The following UBAP2L variants were observed in gnomAD, a reference collection of about 807,000 sequenced individuals.
UBAP2L encodes the protein ubiquitin-associated protein 2-like.
In UBAP2L, 12 loss-of-function variants were observed where a neutral mutation model predicts 130.6. The ratio of observed to expected loss-of-function variants is 0.09; its 90% confidence interval spans 0.06 to 0.15. The LOEUF (loss-of-function observed/expected upper bound fraction) is 0.15. Among genes scored for constraint, UBAP2L ranks in the 10% least tolerant of loss-of-function variants. The pLI is 1.00. For missense variants in UBAP2L, 965 were observed against 1,332.5 expected, an observed-to-expected ratio of 0.72 and a Z score of 4.29; for synonymous variants, 503 against 524.7, an observed-to-expected ratio of 0.96 and a Z score of 0.57.
chr1:154,253,854 A>G, intron 14 of UBAP2L, 46 bp from the exon 15 acceptor site: 3 of 1,588,890 alleles, frequency 1.9e-6, no homozygotes, highest in Non-Finnish European at 2.6e-6. Flanking sequence ...ATGAGTAGAT[A>G]TGCTCTATTT....
chr1:154,226,520 T>C (rs1035156853), intron 2 of UBAP2L, among the ~76,000 whole-genome samples: 9 of 152,234 alleles, frequency 5.9e-5, no homozygotes, highest in Admixed American at 5.2e-4. Flanking sequence ...AGTAGAATTA[T>C]AATACTTAGT....
At chr1:154,221,460 A>G (rs929231538) in intron 1 of UBAP2L, 1 of 152,026 alleles carries the variant, frequency 6.6e-6, no homozygotes, top group Non-Finnish European at 1.5e-5. Context: ...CTTTCCACCC[A>G]CTGCGGGCCT....
chr1:154,240,484 T>G (rs1330560291), intron 8 of UBAP2L, among the ~76,000 whole-genome samples: 1 of 152,170 alleles, frequency 6.6e-6, no homozygotes, highest in East Asian at 1.9e-4. Flanking sequence ...CAGGTCAGGT[T>G]TCAAGTTCTA....
At chr1:154,265,231 T>C (rs781723764) in intron 24 of UBAP2L, among the ~76,000 whole-genome samples, 12 of 152,192 alleles carry the variant, frequency 7.9e-5, no homozygotes, top group Non-Finnish European at 4.4e-5. Context: ...AAGGCTGCCT[T>C]TGTCTGAGGC....
intron 4 of UBAP2L, among the ~76,000 whole-genome samples, chr1:154,233,828 G>A (rs1421351211): frequency 6.6e-6 from 1 of 150,920 alleles, no homozygotes; most frequent in African/African-American, 2.5e-5. Flanking sequence ...TATGAATGAT[G>A]CTATAAAAAG....
At chr1:154,252,366 T>C (rs1677987746) in intron 14 of UBAP2L, among the ~76,000 whole-genome samples, 2 of 150,530 alleles carry the variant, frequency 1.3e-5, no homozygotes, top group East Asian at 2.0e-4. Context: ...CTGTAACCTC[T>C]GCCTCCCAGG....
intron 11 of UBAP2L, among the ~76,000 whole-genome samples, chr1:154,248,597 A>G (rs1286951050): frequency 2.0e-5 from 3 of 152,144 alleles, no homozygotes; most frequent in African/African-American, 7.2e-5. Context: ...CGGGTGGATC[A>G]CGAGGTCAGG....
Position 154,259,997 on chromosome 1 carries a change from G to A in UBAP2L, c.2546G>A (p.Arg849Lys). The change falls in exon 22 of 27, where the codon AGG becomes AAG. Residue 849 changes from arginine to lysine, a missense_variant. By Grantham distance (26) the Arg-to-Lys change is conservative. Around this residue, in one of 9 missense-constraint regions of UBAP2L, gnomAD observed 194 missense variants for 334.0 expected, o/e 0.58. Transcript: ENST00000428931. The stretch of plus-strand genomic sequence containing the variant: ...ACACCCACTACTCCGCTGACTGGGA[G>A]GGATGGTAGCCTGGCCAGCAACCCT... Reference protein sequence around the residue: ...FPTPTTPLTGRDGSLASNPYS... With the variant: ...FPTPTTPLTGKDGSLASNPYS... 6.2e-7 allele frequency: 1 copy of A among 1,614,196 alleles called. No homozygotes were observed. Among genetic ancestry groups the A allele is most frequent in the Non-Finnish European group, 8.5e-7 (1 of 1,180,040 alleles).
At chr1:154,236,444 C>G (rs1180199286) in intron 6 of UBAP2L, 122 bp from the exon 7 acceptor site, 4 of 997,640 alleles carry the variant, frequency 4.0e-6, no homozygotes, top group Non-Finnish European at 6.3e-6. Flanking sequence ...ACCAATCCGC[C>G]CGCCCTCAGC....
In UBAP2L at chr1:154,236,569, G is replaced by C. The variant is rs374682336; in HGVS notation, c.548G>C (p.Gly183Ala). The change falls in exon 7 of 27, where the codon GGC (glycine) becomes GCC (alanine). Residue 183 changes from glycine to alanine, a missense_variant. Physicochemically the swap from Gly to Ala is moderately conservative, Grantham distance 60 (BLOSUM62 0). This residue lies in a region of UBAP2L where 109 missense variants were observed against 146.6 expected (regional missense o/e 0.74). Coordinates refer to ENST00000428931, the MANE Select transcript of UBAP2L (RefSeq NM_014847.4). ...CTTTTTCTCATTCTTTCTTTAGGTG[G>C]CTCTGGTAGGCGAGGAGGAAGGTTT... ...GRRGRGRGRG[G>A]SGRRGGRFSA... The C allele has an allele frequency of 4.3e-6, 7 of 1,613,834 alleles. No individual in the cohort carries two copies. In the African/African-American group the frequency reaches 8.0e-5, roughly 18 times the overall value.
chr1:154,269,104 CA>C (rs1437564289), intron 26 of UBAP2L, 150 bp downstream of exon 26: 16 of 1,022,974 alleles, frequency 1.6e-5, no homozygotes, highest in Admixed American at 5.3e-5. Context: ...CATACAGACA[CA>C]AGCGCACATA....
At chr1:154,228,964 T>G (rs1668889341) in intron 4 of UBAP2L, among the ~76,000 whole-genome samples, 1 of 152,214 alleles carries the variant, frequency 6.6e-6, no homozygotes, top group South Asian at 2.1e-4. Flanking sequence ...CTCTGCTAAT[T>G]GGCCTGGAAT....
chr1:154,230,445 A>C (rs1669476937), intron 4 of UBAP2L, among the ~76,000 whole-genome samples: 1 of 152,230 alleles, frequency 6.6e-6, no homozygotes, highest in Non-Finnish European at 1.5e-5. Context: ...TTTTTTCTTC[A>C]AAAGTGTTAT....
intron 3 of UBAP2L, among the ~76,000 whole-genome samples, chr1:154,228,337 G>A (rs1420036649): frequency 2.6e-5 from 4 of 151,882 alleles, no homozygotes; most frequent in East Asian, 1.9e-4. Flanking sequence ...ACAGGCGCCC[G>A]CCACCACACC....
chr1:154,228,474 A>G, intron 3 of UBAP2L, 141 bp from the exon 4 acceptor site: 1 of 590,710 alleles, frequency 1.7e-6, no homozygotes, highest in Admixed American at 2.9e-5. Flanking sequence ...GGCGTGAGCC[A>G]CTGTGCCCAG....
Position 154,270,770 on chromosome 1 carries a change from G to GTTTTTTTTTTTTTTTTTT in UBAP2L, c.*491_*492insTTTTTTTTTTTTTTTTTT. On this transcript the variant is annotated 3_prime_UTR_variant, in exon 27 of 27. Coordinates refer to ENST00000428931, the MANE Select transcript of UBAP2L (RefSeq NM_014847.4). ...AATTAGTTGAAGTGGTTTTTTTTTT[G>GTTTTTTTTTTTTTTTTTT]TTTTTTTTTTTTTTTTGTACTGTGT... The GTTTTTTTTTTTTTTTTTT allele has an allele frequency of 1.2e-5, 11 of 920,368 alleles. No homozygotes were observed. Among genetic ancestry groups the GTTTTTTTTTTTTTTTTTT allele is most frequent in the South Asian group, 8.8e-5 (3 of 34,234 alleles). The allele number at this position is 920,368 out of a possible 1,614,324, so 57.0% of individuals were successfully genotyped here. A position where few individuals can be genotyped will look rare whatever the true frequency, so the allele number is the denominator to read the frequency against.
chr1:154,261,079 C>T lies in UBAP2L; in HGVS notation c.2766C>T (p.Ser922=). ...ATACAGGGGTCCCGGGCCTCCCCAG[C>T]ACCTTCCAGTATGGGCCTGCTGTGT... ...PYYTGVPGLP[S]TFQYGPAVFP... is the part of the protein sequence containing the mutation. The change falls in exon 23 of 27, where the codon AGC becomes AGT. Residue 922 remains serine, a synonymous_variant. Coordinates refer to ENST00000428931, the MANE Select transcript of UBAP2L (RefSeq NM_014847.4). 6.2e-7 allele frequency: 1 copy of T among 1,614,220 alleles called. No individual in the cohort carries two copies. Among genetic ancestry groups the T allele is most frequent in the Non-Finnish European group, 8.5e-7 (1 of 1,180,018 alleles).
chr1:154,227,111 C>G (rs567801802), intron 2 of UBAP2L, among the ~76,000 whole-genome samples, 171 bp from the exon 3 acceptor site: 1 of 152,208 alleles, frequency 6.6e-6, no homozygotes, highest in African/African-American at 2.4e-5. Context: ...CGTGAGCCAC[C>G]ACCCGCACCT....
At chr1:154,228,264 T>G (rs1403927202) in intron 3 of UBAP2L, among the ~76,000 whole-genome samples, 1 of 152,020 alleles carries the variant, frequency 6.6e-6, no homozygotes, top group Non-Finnish European at 1.5e-5. Flanking sequence ...CTCAGCTCAC[T>G]GCAACCTCCG....
Sources: allele counts gnomAD v4.1 joint callset (sites outside exome capture counted in the v4.1 genomes callset), GRCh38; gene constraint gnomAD v4.1.1; regional missense constraint gnomAD v4.1.1; transcripts MANE v1.5; gene names NCBI Gene and HGNC (gene_info 2026-07-23, HGNC 2026-07-21).